The following BLK variants were observed in gnomAD, a reference collection of about 807,000 sequenced individuals.
The protein encoded by BLK is BLK proto-oncogene, Src family tyrosine kinase.
A neutral mutation model predicts 61.8 loss-of-function variants in BLK; 64 were observed. The ratio of observed to expected loss-of-function variants is 1.03; its 90% CI spans 0.85 to 1.27. The LOEUF is 1.27. Ranked by LOEUF, BLK falls within the 50% of genes most tolerant of loss-of-function variation. The probability of loss-of-function intolerance (pLI) is 0.00; values close to 1 mark genes in which losing one functional copy is unlikely to be tolerated. For synonymous variants in BLK, 351 were observed against 272.0 expected (o/e 1.29, Z -2.86); for missense variants, 853 against 660.5 (o/e 1.29, Z -3.19).
At chr8:11,541,767 G>T (rs903537021) in intron 1 of BLK, among the ~76,000 whole-genome samples, 2 of 151,964 alleles carry the variant, frequency 1.3e-5, no homozygotes, top group African/African-American at 4.8e-5. Flanking sequence ...CAAAGTGCTG[G>T]GATTACAGGT....
intron 10 of BLK, among the ~76,000 whole-genome samples, chr8:11,559,573 C>T (rs1242751541): frequency 2.0e-5 from 3 of 152,098 alleles, no homozygotes. Context: ...ACACACCCGG[C>T]CCTTCTGGGC....
chr8:11,533,754 C>T (rs572546130), intron 1 of BLK, among the ~76,000 whole-genome samples: 2 of 152,188 alleles, frequency 1.3e-5, no homozygotes, highest in Non-Finnish European at 2.9e-5. Context: ...CTGGAAAGTA[C>T]CACAGAGGTG....
chr8:11,548,753 G>T (rs576133040), intron 4 of BLK, among the ~76,000 whole-genome samples: 1 of 152,194 alleles, frequency 6.6e-6, no homozygotes. Flanking sequence ...CTCTGAACAC[G>T]TCCCATTCAT....
rs75460016 is a variant in BLK at position 11,515,010 on chromosome 8, C to G, written c.-2+20419C>G. 7.3e-3 allele frequency among the ~76,000 whole-genome samples: 1,118 copies of G among 152,238 alleles called. 15 individuals are homozygous for G. The highest frequency in any genetic ancestry group is 0.025 in the African/African-American group (1,058 of 41,546). ...ACTTTCACCTCTTCTGGAGTCCTCC[C>G]CTCCACATTCCCCGACAAGCTGCTG... On this transcript the variant is annotated intron_variant, in intron 1 of 12. Transcript: ENST00000259089.
At chr8:11,536,970 C>G (rs1563103724) in intron 1 of BLK, among the ~76,000 whole-genome samples, 1 of 152,130 alleles carries the variant, frequency 6.6e-6, no homozygotes, top group Non-Finnish European at 1.5e-5. Context: ...CATGCCTGTA[C>G]CTTCCGCTAT....
rs141947199 is a variant in BLK at position 11,554,844 on chromosome 8, C to T, written c.574C>T (p.Arg192Trp). Residue 192 changes from arginine to tryptophan, a missense_variant, in exon 7 of 13, where the codon CGG becomes TGG. Arg to Trp is a moderately radical substitution (Grantham distance 101). Coordinates refer to ENST00000259089, the MANE Select transcript of BLK (RefSeq NM_001715.3). Reference sequence around the variant, plus strand: ...TGAAGGGGGCTACTACATCTCCCCCCGGATCACCTTCCCCTCGCTCCAGGC... The same window carrying T: ...TGAAGGGGGCTACTACATCTCCCCCTGGATCACCTTCCCCTCGCTCCAGGC... The part of the protein sequence containing the change: ...LDEGGYYISP[R>W]ITFPSLQALV... The T allele has an allele frequency of 1.9e-5, 31 of 1,613,834 alleles. No homozygotes were observed. The highest frequency in any genetic ancestry group is 6.7e-5 in the African/African-American group (5 of 74,904).
chr8:11,549,043 G>A lies in BLK; in HGVS notation c.289G>A (p.Ala97Thr). ...VLKGTGDWWLARSLVTGREGY... is the reference protein window; with the variant it reads ...VLKGTGDWWLTRSLVTGREGY... ...CATTAGAACTGGAGACTGGTGGCTG[G>A]CCAGGTCACTCGTCACAGGAAGAGA... is the stretch of plus-strand genomic sequence containing the variant. Residue 97 changes from alanine (A) to threonine (T), a missense_variant, in exon 5 of 13, where the codon GCC becomes ACC. By Grantham distance (58) the Ala-to-Thr change is moderately conservative. Transcript: ENST00000259089. 6.2e-7 allele frequency: 1 copy of A among 1,610,100 alleles called. No individual in the cohort carries two copies. The highest frequency in any genetic ancestry group is 2.2e-5 in the East Asian group (1 of 44,836).
Position 11,554,844 on chromosome 8 carries a change from C to CCG in BLK, c.574_575insCG (p.Arg192ProfsTer26). 2 of 1,613,952 alleles carry CCG rather than the reference C, an allele frequency of 1.2e-6. No individual in the cohort carries two copies. Among genetic ancestry groups the CCG allele is most frequent in the South Asian group, 2.2e-5 (2 of 91,068 alleles). On this transcript the variant is annotated frameshift_variant, in exon 7 of 13. Coordinates refer to ENST00000259089, the MANE Select transcript of BLK (RefSeq NM_001715.3). LOFTEE classifies it high-confidence loss of function. ...TGAAGGGGGCTACTACATCTCCCCC[C>CCG]GGATCACCTTCCCCTCGCTCCAGGC... is the stretch of plus-strand genomic sequence containing the variant.
At chr8:11,503,408 C>T (rs1159230606) in intron 1 of BLK, among the ~76,000 whole-genome samples, 1 of 152,130 alleles carries the variant, frequency 6.6e-6, no homozygotes, top group East Asian at 1.9e-4. Context: ...TCTGGGGGTG[C>T]TGGCACACCC....
chr8:11,497,692 G>C (rs1798408323), intron 1 of BLK, among the ~76,000 whole-genome samples: 1 of 152,370 alleles, frequency 6.6e-6, no homozygotes. Context: ...ATGAAAGCTT[G>C]AAAGAGGAAA....
chr8:11,519,254 A>T (rs2117323224), intron 1 of BLK, among the ~76,000 whole-genome samples: 1 of 152,244 alleles, frequency 6.6e-6, no homozygotes, highest in African/African-American at 2.4e-5. Context: ...GTGCTAGAGG[A>T]CCTCGCTACC....
chr8:11,502,305 CTTTTTT>C (rs1379683947), intron 1 of BLK, among the ~76,000 whole-genome samples: 45 of 149,504 alleles, frequency 3.0e-4, no homozygotes, highest in Non-Finnish European at 6.0e-4. Flanking sequence ...CTTTTTCTTT[CTTTTTT>C]ATTTTTCTTT....
chr8:11,547,405 A>C (rs1015446291), intron 3 of BLK, among the ~76,000 whole-genome samples: 2 of 152,174 alleles, frequency 1.3e-5, no homozygotes, highest in African/African-American at 4.8e-5. Flanking sequence ...CTGTGCAGAG[A>C]GCCTGCGTCA....
chr8:11,542,615 A>AGAAAAAAACCTGACCAC (rs1563108319), intron 1 of BLK, among the ~76,000 whole-genome samples: 1 of 152,200 alleles, frequency 6.6e-6, no homozygotes. Context: ...TCTTTACCAA[A>AGAAAAAAACCTGACCAC]GAAAAAAACC....
At chr8:11,545,817 T>C (rs575829311) in intron 2 of BLK, 8 of 579,286 alleles carry the variant, frequency 1.4e-5, no homozygotes, top group East Asian at 5.9e-5. Context: ...CATATCCACA[T>C]TGGGGCATCC....
intron 1 of BLK, among the ~76,000 whole-genome samples, chr8:11,496,999 C>T (rs934404981): frequency 1.3e-5 from 2 of 152,022 alleles, no homozygotes; most frequent in South Asian, 2.1e-4. Flanking sequence ...GCAGGGTTCA[C>T]GTGTATAGAG....
At chr8:11,517,487 G>C (rs1563432718) in intron 1 of BLK, among the ~76,000 whole-genome samples, 1 of 152,154 alleles carries the variant, frequency 6.6e-6, no homozygotes, top group Non-Finnish European at 1.5e-5. Context: ...TTTTTGGCTT[G>C]AGCCTCCCAG....
intron 2 of BLK, among the ~76,000 whole-genome samples, chr8:11,544,340 TTGGG>T (rs1800521867): frequency 6.6e-6 from 1 of 152,138 alleles, no homozygotes; most frequent in Non-Finnish European, 1.5e-5. Flanking sequence ...TTTGGGGCAG[TTGGG>T]AGCCTTGCCG....
At chr8:11,559,482 C>A (rs1477419146) in intron 10 of BLK, among the ~76,000 whole-genome samples, 1 of 150,406 alleles carries the variant, frequency 6.6e-6, no homozygotes, top group Non-Finnish European at 1.5e-5. Context: ...CAAACTCACA[C>A]AAACACATTT....
Sources: gnomAD v4.1 joint callset for allele counts (sites outside exome capture counted in the v4.1 genomes callset) on GRCh38, gnomAD v4.1.1 for gene constraint, MANE v1.5 for transcripts, NCBI Gene and HGNC (gene_info 2026-07-23, HGNC 2026-07-21) for gene names.